Variants in POU2AF1 observed in about 807,000 individuals in gnomAD.
The protein encoded by POU2AF1 is POU domain class 2-associating factor 1.
POU2AF1 carries 12 observed loss-of-function variants against 26.3 expected under a neutral mutation model. The observed-to-expected ratio is 0.46, with a 90% CI of 0.29 to 0.74. POU2AF1 has a LOEUF of 0.74. POU2AF1 is among the 30% of genes least tolerant of loss of function. The pLI is 0.09. For synonymous variants in POU2AF1, 175 were observed against 148.0 expected (o/e 1.18, Z -1.32); for missense variants, 297 against 334.5 (o/e 0.89, Z 0.87).
intron 4 of POU2AF1, among the ~76,000 whole-genome samples, chr11:111,357,103 C>T (rs1860860841): frequency 6.6e-6 from 1 of 152,176 alleles, no homozygotes; most frequent in South Asian, 2.1e-4. Flanking sequence ...CACAAGACCC[C>T]ATGTAGATCT....
At chr11:111,356,836 A>G (rs898231733) in intron 4 of POU2AF1, among the ~76,000 whole-genome samples, 1 of 152,156 alleles carries the variant, frequency 6.6e-6, no homozygotes, top group Non-Finnish European at 1.5e-5. Context: ...TTCCCATTTT[A>G]CAGATGAGGA....
At position 111,357,604 on chromosome 11, in the gene POU2AF1, C is replaced by T. The variant is rs200378301; in HGVS notation, c.297G>A (p.Leu99=). The part of the protein sequence containing the change: ...SQPTPATLQP[L]APWTPYTEYV... ...ACTCGGTGTAAGGTGTCCATGGGGC[C>T]AGGGGCTGCAGGGTGGCCGGGGTGG... is the stretch of plus-strand genomic sequence containing the variant. The change falls in exon 4 of 5, where the codon CTG becomes CTA. Residue 99 remains leucine (L), a synonymous_variant. Coordinates refer to ENST00000393067, the MANE Select transcript of POU2AF1 (RefSeq NM_006235.3). The T allele has an allele frequency of 1.9e-6, 3 of 1,613,970 alleles. No individual in the cohort carries two copies. In the East Asian group the frequency reaches 6.7e-5, roughly 36 times the overall value.
At chr11:111,359,688 T>G (rs1360040793) in intron 1 of POU2AF1, among the ~76,000 whole-genome samples, 1 of 152,208 alleles carries the variant, frequency 6.6e-6, no homozygotes, top group Non-Finnish European at 1.5e-5. Flanking sequence ...TCAAAAAAAT[T>G]CAGTCTATTA....
At chr11:111,363,179 C>T in intron 1 of POU2AF1, 1 of 1,014,136 alleles carries the variant, frequency 9.9e-7, no homozygotes, top group South Asian at 4.6e-5. Flanking sequence ...AAGTCCCCAC[C>T]TCTTCCTATT....
chr11:111,362,955 C>T (rs1330386958), intron 1 of POU2AF1: 5 of 193,976 alleles, frequency 2.6e-5, no homozygotes, highest in Non-Finnish European at 4.8e-5. Context: ...AGTGGACACA[C>T]CACACACTTG....
At chr11:111,366,749 G>A (rs886877584) in intron 1 of POU2AF1, among the ~76,000 whole-genome samples, 1 of 152,060 alleles carries the variant, frequency 6.6e-6, no homozygotes, top group Non-Finnish European at 1.5e-5. Context: ...GAGACCCAGG[G>A]GACACTCTTA....
At chr11:111,362,122 A>G (rs1160898743) in intron 1 of POU2AF1, among the ~76,000 whole-genome samples, 1 of 151,252 alleles carries the variant, frequency 6.6e-6, no homozygotes, top group Non-Finnish European at 1.5e-5. Flanking sequence ...GCCACACTCA[A>G]CTCACTCTTT....
At chr11:111,359,456 T>C (rs779168888) in intron 1 of POU2AF1, 12 of 181,786 alleles carry the variant, frequency 6.6e-5, no homozygotes, top group Non-Finnish European at 1.1e-4. Flanking sequence ...TAGGTGGCAG[T>C]AGAGGACAGC....
chr11:111,373,696 AG>A (rs1253215712), intron 1 of POU2AF1, among the ~76,000 whole-genome samples: 1 of 152,198 alleles, frequency 6.6e-6, no homozygotes, highest in Non-Finnish European at 1.5e-5. Context: ...GGCTTGCTTA[AG>A]GTCTCTCATC....
intron 4 of POU2AF1, among the ~76,000 whole-genome samples, chr11:111,356,872 C>A (rs1033863473): frequency 3.9e-5 from 6 of 152,262 alleles, no homozygotes; most frequent in Admixed American, 3.9e-4. Context: ...AGTTTTAAGT[C>A]ACTAAACCCA....
In POU2AF1 at chr11:111,358,896, TG is replaced by T; in HGVS notation, c.38del (p.Pro13GlnfsTer12). On this transcript the variant is annotated frameshift_variant, in exon 2 of 5. Transcript: ENST00000393067. LOFTEE classifies it high-confidence loss of function. Reference sequence around the variant, plus strand: ...CGCCCTGGTATGGCCGGGCCGGGGCTGGGGCTTGCTCCGGAGCTGTGGCTGT... The same window carrying T: ...CGCCCTGGTATGGCCGGGCCGGGGCTGGGCTTGCTCCGGAGCTGTGGCTGT... ...WQKPTAPEQA[P>X]APARPYQGVR... 6.2e-7 allele frequency: 1 copy of T among 1,606,692 alleles called. No homozygotes were observed.
At chr11:111,373,591 A>G (rs1364729005) in intron 1 of POU2AF1, among the ~76,000 whole-genome samples, 5 of 152,268 alleles carry the variant, frequency 3.3e-5, no homozygotes, top group Non-Finnish European at 5.9e-5. Flanking sequence ...GAGCTGGCAA[A>G]GAACCTCAAT....
At position 111,358,854 on chromosome 11, in the gene POU2AF1, T is replaced by C. The variant is rs764721563; in HGVS notation, c.81A>G (p.Pro27=). ...GCTTCCTCCTCAGCAGTTCCTTCAC[T>C]GGCTCCTTCACACGGACGCCCTGGT... The part of the protein sequence containing the change: ...RPYQGVRVKE[P]VKELLRRKRG... Residue 27 remains proline, a synonymous_variant, in exon 2 of 5, where the codon CCA becomes CCG. Transcript: ENST00000393067. The C allele has an allele frequency of 8.1e-6, 13 of 1,609,258 alleles. No individual in the cohort carries two copies. The highest frequency in any genetic ancestry group is 6.6e-5 in the South Asian group (6 of 91,018).
chr11:111,375,475 T>C (rs1007606755), intron 1 of POU2AF1, among the ~76,000 whole-genome samples: 4 of 136,714 alleles, frequency 2.9e-5, no homozygotes, highest in Admixed American at 2.7e-4. Flanking sequence ...CGGCTCACTG[T>C]AAGCTCCGCC....
chr11:111,375,402 T>TTTTTA (rs2135140912), intron 1 of POU2AF1, among the ~76,000 whole-genome samples: 1 of 126,986 alleles, frequency 7.9e-6, no homozygotes, highest in Admixed American at 8.1e-5. Flanking sequence ...TTTTTTTTTT[T>TTTTTA]TTTTTTTTTT....
rs532249471 is a variant in POU2AF1, at chr11:111,366,882, C to A, written c.17-7964G>T. Among the ~76,000 whole-genome samples, 3 of 152,194 alleles carry A rather than the reference C, an allele frequency of 2.0e-5. No homozygotes were observed. In the South Asian group the frequency reaches 6.2e-4, roughly 32 times the overall value. On this transcript the variant is annotated intron_variant, in intron 1 of 4. Coordinates refer to ENST00000393067, the MANE Select transcript of POU2AF1 (RefSeq NM_006235.3). ...AGGTCATAGCCAACAGGAAATGGAC[C>A]CCCAGGGCAGTCACAGGGATCCCTC... is the stretch of plus-strand genomic sequence containing the variant.
intron 1 of POU2AF1, among the ~76,000 whole-genome samples, chr11:111,373,186 A>G (rs1861245122): frequency 6.6e-6 from 1 of 152,252 alleles, no homozygotes; most frequent in African/African-American, 2.4e-5. Context: ...CCAACAGAAC[A>G]TTTTGTATAC....
Position 111,354,282 on chromosome 11 carries a change from A to T in POU2AF1, c.750T>A (p.Thr250=). ...ACGCCTAAAAGCCTTCCACAGAGAG[A>T]GTGTGGTTAAGCGCATAGGCGTCGC... ...EDSDAYALNH[T]LSVEGF The change falls in exon 5 of 5, where the codon ACT becomes ACA. Residue 250 remains threonine, a synonymous_variant. Transcript: ENST00000393067. The T allele has an allele frequency of 6.2e-7, 1 of 1,614,050 alleles. No individual in the cohort carries two copies. Among genetic ancestry groups the T allele is most frequent in the East Asian group, 2.2e-5 (1 of 44,878 alleles).
chr11:111,374,985 T>G (rs1345005618), intron 1 of POU2AF1, among the ~76,000 whole-genome samples: 1 of 152,220 alleles, frequency 6.6e-6, no homozygotes, highest in Non-Finnish European at 1.5e-5. Flanking sequence ...TTGATGAGAA[T>G]TTTAAGTCCT....
Sources: allele counts gnomAD v4.1 joint callset (sites outside exome capture counted in the v4.1 genomes callset), GRCh38; gene constraint gnomAD v4.1.1; transcripts MANE v1.5; gene names NCBI Gene and HGNC (gene_info 2026-07-23, HGNC 2026-07-21).